Variants in THADA observed in about 807,000 individuals in gnomAD.
THADA encodes THADA armadillo repeat containing, also known as tRNA (32-2'-O)-methyltransferase regulator THADA.
In THADA, 213 loss-of-function variants were observed where a neutral mutation model predicts 219.8. That is an observed-to-expected ratio of 0.97 (90% CI 0.87 to 1.09). THADA has a LOEUF of 1.09. Ranked by LOEUF, THADA falls within the 50% of genes least tolerant of loss-of-function variation. THADA has a pLI of 0.00. For missense variants in THADA, 2,956 were observed against 2,311.3 expected (o/e 1.28, Z -5.72); for synonymous variants, 1,018 against 828.9 (o/e 1.23, Z -3.92).
At chr2:43,461,520 T>C (rs1288686754) in intron 26 of THADA, among the ~76,000 whole-genome samples, 2 of 152,214 alleles carry the variant, frequency 1.3e-5, no homozygotes, top group African/African-American at 2.4e-5. Flanking sequence ...TTTCCTTATG[T>C]ACCTGGAAGG....
chr2:43,561,533 A>C (rs952941883), intron 15 of THADA, among the ~76,000 whole-genome samples: 3 of 152,234 alleles, frequency 2.0e-5, no homozygotes, highest in Non-Finnish European at 4.4e-5. Flanking sequence ...AACATTTCAC[A>C]AGTGAACTCC....
At chr2:43,456,413 T>C (rs1024018574) in intron 26 of THADA, among the ~76,000 whole-genome samples, 15 of 152,302 alleles carry the variant, frequency 9.8e-5, no homozygotes, top group African/African-American at 3.6e-4. Flanking sequence ...TTATTTATTC[T>C]GTGGTGGGGT....
intron 33 of THADA, 116 bp downstream of exon 33, chr2:43,291,988 T>G (rs74814053): frequency 0.044 from 34,765 of 784,494 alleles, 1,304 homozygotes; most frequent in South Asian, 0.17. Flanking sequence ...GGCTGAGGTT[T>G]AGAATGAAAT....
chr2:43,526,542 T>C (rs1693189540), intron 22 of THADA, among the ~76,000 whole-genome samples: 2 of 152,204 alleles, frequency 1.3e-5, no homozygotes, highest in South Asian at 2.1e-4. Context: ...CCCATTGCTT[T>C]CTCTCTCTGC....
At chr2:43,496,481 T>C (rs115626452) in intron 25 of THADA, among the ~76,000 whole-genome samples, 261 of 152,294 alleles carry the variant, frequency 1.7e-3, no homozygotes, top group African/African-American at 6.1e-3. Flanking sequence ...AAACTTTTGA[T>C]AGAGTTTATT....
chr2:43,255,343 T>C (rs937943913), intron 36 of THADA, among the ~76,000 whole-genome samples: 1 of 152,214 alleles, frequency 6.6e-6, no homozygotes, highest in Admixed American at 6.5e-5. Context: ...GCATGCTAAG[T>C]GGTTTTGCTT....
At chr2:43,534,688 T>C (rs1694322960) in intron 21 of THADA, among the ~76,000 whole-genome samples, 1 of 152,342 alleles carries the variant, frequency 6.6e-6, no homozygotes, top group African/African-American at 2.4e-5. Context: ...TCTGTATATA[T>C]ACACCACATT....
chr2:43,364,759 G>T (rs926398414), intron 29 of THADA, among the ~76,000 whole-genome samples: 2 of 152,168 alleles, frequency 1.3e-5, no homozygotes, highest in African/African-American at 4.8e-5. Context: ...CCTAGGGCAG[G>T]ACAAGGCCTG....
intron 8 of THADA, among the ~76,000 whole-genome samples, chr2:43,580,735 C>A (rs1381998669): frequency 6.6e-6 from 1 of 151,842 alleles, no homozygotes; most frequent in Non-Finnish European, 1.5e-5. Flanking sequence ...AAAAAATTAG[C>A]CAGGCGTGGT....
intron 36 of THADA, 95 bp from the exon 37 acceptor site, chr2:43,232,977 T>C: frequency 7.4e-7 from 1 of 1,356,716 alleles, no homozygotes; most frequent in Non-Finnish European, 1.0e-6. Flanking sequence ...AGGCCTCAGG[T>C]AAAATCGCTG....
At chr2:43,432,108 G>A (rs59287528) in intron 26 of THADA, among the ~76,000 whole-genome samples, 5 of 120,986 alleles carry the variant, frequency 4.1e-5, no homozygotes, top group African/African-American at 7.4e-5. Flanking sequence ...CGCCCGCCTC[G>A]GCCTCCCAAA....
chr2:43,567,388 G>A (rs925953332), intron 14 of THADA, among the ~76,000 whole-genome samples: 2 of 152,136 alleles, frequency 1.3e-5, no homozygotes, highest in African/African-American at 4.8e-5. Flanking sequence ...CCAGCACTTT[G>A]GGAGGCCGAG....
At chr2:43,529,834 T>A (rs1194559481) in intron 21 of THADA, among the ~76,000 whole-genome samples, 3 of 152,154 alleles carry the variant, frequency 2.0e-5, no homozygotes, top group African/African-American at 7.2e-5. Context: ...AACAGTAGAA[T>A]AAGTAGTTAA....
intron 3 of THADA, among the ~76,000 whole-genome samples, chr2:43,591,690 T>C (rs768042880): frequency 6.6e-5 from 10 of 152,216 alleles, no homozygotes; most frequent in Non-Finnish European, 1.5e-4. Flanking sequence ...TATTTTAAAA[T>C]TTATCTCCAC....
chr2:43,483,984 T>C (rs1214777167), intron 26 of THADA, among the ~76,000 whole-genome samples: 1 of 151,926 alleles, frequency 6.6e-6, no homozygotes, highest in Non-Finnish European at 1.5e-5. Flanking sequence ...CAAATATTAG[T>C]GATTTCAAGT....
chr2:43,316,799 T>C (rs1287320903), intron 31 of THADA, among the ~76,000 whole-genome samples: 2 of 152,118 alleles, frequency 1.3e-5, no homozygotes, highest in African/African-American at 4.8e-5. Flanking sequence ...TGGTGGCACA[T>C]GCCTGTAATC....
At chr2:43,465,211 C>T (rs1684097460) in intron 26 of THADA, among the ~76,000 whole-genome samples, 1 of 152,152 alleles carries the variant, frequency 6.6e-6, no homozygotes, top group African/African-American at 2.4e-5. Context: ...GCTAATCCTA[C>T]TCAAAGAGTA....
chr2:43,249,946 T>A (rs944362995), intron 36 of THADA, among the ~76,000 whole-genome samples: 1 of 152,242 alleles, frequency 6.6e-6, no homozygotes, highest in African/African-American at 2.4e-5. Flanking sequence ...ACATGCCTGC[T>A]ATTCCTTGTC....
chr2:43,279,475 C>T (rs1304187259), intron 36 of THADA, among the ~76,000 whole-genome samples: 4 of 152,204 alleles, frequency 2.6e-5, no homozygotes, highest in African/African-American at 4.8e-5. Context: ...TATTAAATTT[C>T]TACCTTTAAA....
Sources: allele counts gnomAD v4.1 joint callset (sites outside exome capture counted in the v4.1 genomes callset), GRCh38; gene constraint gnomAD v4.1.1; transcripts MANE v1.5; gene names NCBI Gene and HGNC (gene_info 2026-07-23, HGNC 2026-07-21).